Variants in MED13L observed in about 807,000 individuals in gnomAD.
MED13L encodes the protein mediator of RNA polymerase II transcription subunit 13-like.
Under a neutral mutation model 220.9 loss-of-function variants are expected in MED13L, and 7 were observed. That is an observed-to-expected ratio of 0.03 (90% CI 0.02 to 0.06). The LOEUF is 0.06. Among genes scored for constraint, MED13L ranks in the 10% least tolerant of loss-of-function variants. The probability of loss-of-function intolerance (pLI) is 1.00; values close to 1 mark genes in which losing one functional copy is unlikely to be tolerated. For synonymous variants in MED13L, 1,011 were observed against 1,015.2 expected (o/e 1.00, Z 0.08); for missense variants, 1,965 against 2,760.5 (o/e 0.71, Z 6.46).
At chr12:116,111,395 C>A in intron 3 of MED13L, 33 bp downstream of exon 3, 1 of 1,578,412 alleles carries the variant, frequency 6.3e-7, no homozygotes, top group Non-Finnish European at 8.7e-7. Flanking sequence ...ACTTGGTTGT[C>A]TGCAAACCAC....
intron 2 of MED13L, among the ~76,000 whole-genome samples, chr12:116,218,506 T>C (rs1231491082): frequency 6.6e-6 from 1 of 152,180 alleles, no homozygotes; most frequent in Non-Finnish European, 1.5e-5. Context: ...TTCAGTACTC[T>C]ATGTACTTTC....
In MED13L at chr12:116,002,919, G is replaced by A. The variant is rs1878833611; in HGVS notation, c.2569+84C>T. 20 of 1,121,306 alleles carry A rather than the reference G, an allele frequency of 1.8e-5. No homozygotes were observed. In the South Asian group the frequency reaches 2.5e-4, roughly 14 times the overall value. The allele number at this position is 1,121,306 out of a possible 1,614,324, so 69.5% of individuals were successfully genotyped here. A position where few individuals can be genotyped will look rare whatever the true frequency, so the allele number is the denominator to read the frequency against. On this transcript the variant is annotated intron_variant, in intron 14 of 30. Coordinates refer to ENST00000281928, the MANE Select transcript of MED13L (RefSeq NM_015335.5). ...AAAAGGAAGGGAAATTTCAGATAAAGATAAAGCACCACTAAGTATGAGAAT... is the reference window on the plus strand; with the variant it reads ...AAAAGGAAGGGAAATTTCAGATAAAAATAAAGCACCACTAAGTATGAGAAT...
intron 10 of MED13L, chr12:116,007,985 T>A (rs1879158406): frequency 3.0e-6 from 1 of 332,752 alleles, no homozygotes; most frequent in Non-Finnish European, 5.5e-6. Context: ...AGTTTTAGAA[T>A]GGGTGGCTCA....
At chr12:116,083,400 G>C (rs1445819504) in intron 4 of MED13L, among the ~76,000 whole-genome samples, 4 of 99,294 alleles carry the variant, frequency 4.0e-5, no homozygotes, top group South Asian at 3.9e-4. Context: ...AGACTGTCTC[G>C]AGGGAAAAAA....
Position 116,276,351 on chromosome 12 carries a change from TGC to T in MED13L, c.72+707_72+708del, listed in dbSNP as rs1555229939. 1,235 of 676,650 alleles carry T rather than the reference TGC, an allele frequency of 1.8e-3. 14 individuals are homozygous for T. Among genetic ancestry groups the T allele is most frequent in the East Asian group, 0.013 (196 of 14,642 alleles). The allele number at this position is 676,650 out of a possible 1,614,324, so 41.9% of individuals were successfully genotyped here. On this transcript the variant is annotated intron_variant, in intron 1 of 30. Coordinates refer to ENST00000281928, the MANE Select transcript of MED13L (RefSeq NM_015335.5). ...GTGTGTGTGTGTGTGTGTGTGTGTG[TGC>T]GGATTCGTTGTTAGGATAGAGAAAA...
chr12:116,170,407 TA>T (rs1879584917), intron 2 of MED13L, among the ~76,000 whole-genome samples: 2 of 152,076 alleles, frequency 1.3e-5, no homozygotes, highest in Admixed American at 1.3e-4. Flanking sequence ...GATCATAGTT[TA>T]TCAGTCATTC....
intron 2 of MED13L, among the ~76,000 whole-genome samples, chr12:116,236,316 C>T (rs892140791): frequency 5.3e-5 from 8 of 151,728 alleles, no homozygotes; most frequent in Admixed American, 3.9e-4. Context: ...ATAAAGTAAA[C>T]AGTTCAATTA....
intron 3 of MED13L, among the ~76,000 whole-genome samples, chr12:116,106,881 G>A (rs1464322231): frequency 2.6e-5 from 4 of 151,346 alleles, no homozygotes; most frequent in Non-Finnish European, 5.9e-5. Context: ...AGATATTATA[G>A]AAAGGGATTC....
In MED13L at chr12:115,991,652, T is replaced by G. The variant is rs994190225; in HGVS notation, c.3302A>C (p.Gln1101Pro). 1 of 1,613,966 alleles carries G rather than the reference T, an allele frequency of 6.2e-7. No individual in the cohort carries two copies. The change falls in exon 17 of 31, where the codon CAG becomes CCG. Residue 1101 changes from glutamine (Q) to proline (P), a missense_variant. By Grantham distance (76) the Gln-to-Pro change is moderately conservative. This residue lies in a region of MED13L where 233 missense variants were observed against 306.2 expected (regional missense o/e 0.76). Transcript: ENST00000281928. The surrounding 1 kb of genome is among the most constrained non-coding windows in gnomAD (Gnocchi z 7.7). ...PLNSVEPATM[Q>P]PIPEAHSLYV... ...GAGGCTGTGGGCTTCGGGAATTGGCTGCATGGTGGCGGGCTCCACAGAGTT... is the reference window on the plus strand; with the variant it reads ...GAGGCTGTGGGCTTCGGGAATTGGCGGCATGGTGGCGGGCTCCACAGAGTT...
intron 2 of MED13L, among the ~76,000 whole-genome samples, chr12:116,171,109 T>C (rs1879650871): frequency 6.6e-6 from 1 of 152,246 alleles, no homozygotes; most frequent in Non-Finnish European, 1.5e-5. Context: ...TTTATAAAAA[T>C]AGTTTTTTTG....
chr12:115,989,860 C>T (rs1302408470), intron 17 of MED13L, among the ~76,000 whole-genome samples: 4 of 152,174 alleles, frequency 2.6e-5, no homozygotes, highest in Non-Finnish European at 5.9e-5. Flanking sequence ...GTCTTCCTCA[C>T]TAACCTCCTT....
chr12:116,165,259 C>CTTTTTTTTTTTTT (rs34196219), intron 2 of MED13L, among the ~76,000 whole-genome samples: 1 of 74,492 alleles, frequency 1.3e-5, no homozygotes, highest in African/African-American at 5.9e-5. Context: ...AGGCACCATC[C>CTTTTTTTTTTTTT]TTTTTTTTTT....
At chr12:116,014,986 G>T in intron 8 of MED13L, 123 bp downstream of exon 8, 1 of 903,262 alleles carries the variant, frequency 1.1e-6, no homozygotes, top group Non-Finnish European at 1.8e-6. Context: ...TCAAAAAGAT[G>T]AAATACCAAT....
At chr12:116,148,733 G>T (rs565250653) in intron 2 of MED13L, 3 of 164,894 alleles carry the variant, frequency 1.8e-5, no homozygotes, top group Non-Finnish European at 4.4e-5. Flanking sequence ...TGGAATTTAG[G>T]TTACCTCCTA....
intron 2 of MED13L, among the ~76,000 whole-genome samples, chr12:116,154,930 A>G (rs1878310867): frequency 6.6e-6 from 1 of 151,982 alleles, no homozygotes; most frequent in Non-Finnish European, 1.5e-5. Context: ...AGGTTTAAGC[A>G]ATTCTCCTAC....
At chr12:115,965,466 C>T (rs1876087808) in intron 29 of MED13L, among the ~76,000 whole-genome samples, 1 of 152,212 alleles carries the variant, frequency 6.6e-6, no homozygotes, top group Non-Finnish European at 1.5e-5. Flanking sequence ...CTGCTCCCCA[C>T]ATCTGGCCAA....
At chr12:116,073,408 C>T (rs1870542087) in intron 4 of MED13L, among the ~76,000 whole-genome samples, 1 of 152,088 alleles carries the variant, frequency 6.6e-6, no homozygotes, top group Non-Finnish European at 1.5e-5. Context: ...TGCCACCATC[C>T]CAATGGACTC....
intron 2 of MED13L, among the ~76,000 whole-genome samples, chr12:116,233,884 A>G (rs753267897): frequency 6.6e-6 from 1 of 152,228 alleles, no homozygotes; most frequent in African/African-American, 2.4e-5. Flanking sequence ...CAGATTATAA[A>G]TGTGTTATAG....
chr12:116,155,430 G>A (rs542588371), intron 2 of MED13L, among the ~76,000 whole-genome samples: 4 of 152,072 alleles, frequency 2.6e-5, no homozygotes, highest in South Asian at 4.2e-4. Flanking sequence ...CTCAAAAAAC[G>A]ACGTTCTCTT....
Sources: allele counts gnomAD v4.1 joint callset (sites outside exome capture counted in the v4.1 genomes callset), GRCh38; gene constraint gnomAD v4.1.1; regional missense constraint gnomAD v4.1.1; non-coding constraint Gnocchi (gnomAD v3.1); transcripts MANE v1.5; gene names NCBI Gene and HGNC (gene_info 2026-07-23, HGNC 2026-07-21).